NDRG4: variants seen among roughly 807,000 people sequenced by gnomAD.
The protein encoded by NDRG4 is NDRG family member 4, also known as protein NDRG4.
In NDRG4, 38 loss-of-function variants were observed where a neutral mutation model predicts 55.8. The ratio of observed to expected loss-of-function variants is 0.68; its 90% CI spans 0.53 to 0.89. The LOEUF (loss-of-function observed/expected upper bound fraction) is 0.89, where lower values mean the gene tolerates loss of function less well. NDRG4 is among the 40% of genes least tolerant of loss of function. The pLI, the probability that NDRG4 is intolerant of heterozygous loss-of-function variation, is 0.00. For synonymous variants in NDRG4, 190 were observed against 182.7 expected (o/e 1.04, Z -0.32); for missense variants, 455 against 468.6 (o/e 0.97, Z 0.27).
At chr16:58,503,688 G>T (rs973340075) in intron 1 of NDRG4, 110 bp from the exon 2 acceptor site, 4 of 1,554,098 alleles carry the variant, frequency 2.6e-6, no homozygotes, top group Non-Finnish European at 3.5e-6. Flanking sequence ...GATGCCCCAA[G>T]TAGGGGCTCT....
chr16:58,494,591 C>G (rs537987392), intron 2 of NDRG4, among the ~76,000 whole-genome samples: 1 of 152,168 alleles, frequency 6.6e-6, no homozygotes, highest in African/African-American at 2.4e-5. Context: ...TTAATGAGGA[C>G]GCTCACACGC....
At chr16:58,483,359 T>A (rs549555635) in intron 1 of NDRG4, among the ~76,000 whole-genome samples, 2 of 151,696 alleles carry the variant, frequency 1.3e-5, no homozygotes, top group East Asian at 3.9e-4. Context: ...AGTGCTCCTG[T>A]TTGCCTTTAA....
At position 58,508,990 on chromosome 16, in the gene NDRG4, C is replaced by A. The variant is rs765504411; in HGVS notation, c.758C>A (p.Thr253Asn). The A allele has an allele frequency of 1.1e-5, 17 of 1,614,102 alleles. No homozygotes were observed. In the South Asian group the frequency reaches 1.8e-4, roughly 17 times the overall value. The change falls in exon 11 of 15, where the codon ACC becomes AAC. Residue 253 changes from threonine (T) to asparagine (N), a missense_variant. Thr to Asn is a moderately conservative substitution (Grantham distance 65). Transcript: ENST00000570248. ...GAGTGCAACTCCAAACTGGACCCGA[C>A]CACTACGACCTTCCTGAAGGTGAGG... Reference protein sequence around the residue: ...VVECNSKLDPTTTTFLKMADS... With the variant: ...VVECNSKLDPNTTTFLKMADS...
intron 1 of NDRG4, among the ~76,000 whole-genome samples, chr16:58,485,384 C>T (rs888930266): frequency 6.6e-6 from 1 of 152,190 alleles, no homozygotes; most frequent in Non-Finnish European, 1.5e-5. Context: ...CCATCTGTCC[C>T]TGCACTGCCC....
Position 58,511,556 on chromosome 16 carries a change from A to C in NDRG4, c.1039A>C (p.Thr347Pro), listed in dbSNP as rs773931425. The change falls in exon 15 of 15, where the codon ACC (threonine) becomes CCC (proline). Residue 347 changes from threonine to proline, a missense_variant. Transcript: ENST00000570248. ...CGAGGGGCTGGGCCAGGTCAACCAC[A>C]CCATGGAGGTGTCCTGTTGAAGCCC... ...SSEGLGQVNHTMEVSC is the reference protein window; with the variant it reads ...SSEGLGQVNHPMEVSC 9 of 1,612,750 alleles carry C rather than the reference A, an allele frequency of 5.6e-6. No individual in the cohort carries two copies. The highest frequency in any genetic ancestry group is 7.6e-6 in the Non-Finnish European group (9 of 1,179,912).
Position 58,509,321 on chromosome 16 carries a change from C to T in NDRG4, c.834C>T (p.Ala278=). ...QVTQPGKLTE[A]FKYFLQGMGY... The stretch of plus-strand genomic sequence containing the variant: ...CGCAGCCAGGGAAGCTGACTGAAGC[C>T]TTCAAATACTTCCTGCAAGGCATGG... Residue 278 remains alanine (A), a synonymous_variant, in exon 13 of 15, where the codon GCC becomes GCT. Coordinates refer to ENST00000570248, the MANE Select transcript of NDRG4 (RefSeq NM_001242835.2). 1 of 1,614,060 alleles carries T rather than the reference C, an allele frequency of 6.2e-7. No individual in the cohort carries two copies. The highest frequency in any genetic ancestry group is 8.5e-7 in the Non-Finnish European group (1 of 1,179,992).
intron 1 of NDRG4, among the ~76,000 whole-genome samples, chr16:58,484,946 A>G (rs372985321): frequency 1.3e-5 from 2 of 150,496 alleles, no homozygotes; most frequent in Non-Finnish European, 1.5e-5. Flanking sequence ...CAGTGGCGCA[A>G]TCTCGGCTCA....
In NDRG4 at chr16:58,488,608, C is replaced by T. The variant is rs866341923; in HGVS notation, c.72+758C>T. On this transcript the variant is annotated intron_variant, in intron 2 of 15. Coordinates refer to the NDRG4 transcript ENST00000258187. ...CAGATGGGGAGGCCAGGAGCCCAGC[C>T]CCTCAAATCTGCAGGGCACTGTAGT... Among the ~76,000 whole-genome samples the T allele has an allele frequency of 3.3e-5, 5 of 152,098 alleles. No individual in the cohort carries two copies. In the South Asian group the frequency reaches 1.0e-3, roughly 31 times the overall value.
chr16:58,508,982 G>C lies in NDRG4; in HGVS notation c.750G>C (p.Leu250=). 9 of 1,614,026 alleles carry C rather than the reference G, an allele frequency of 5.6e-6. No individual in the cohort carries two copies. The highest frequency in any genetic ancestry group is 3.3e-4 in the Middle Eastern group (2 of 6,062). The change falls in exon 11 of 15, where the codon CTG becomes CTC. Residue 250 remains leucine, a synonymous_variant. Coordinates refer to ENST00000570248, the MANE Select transcript of NDRG4 (RefSeq NM_001242835.2). ...EDGVVECNSK[L]DPTTTTFLKM... ...CTCAGGTGGAGTGCAACTCCAAACT[G>C]GACCCGACCACTACGACCTTCCTGA...
Position 58,501,133 on chromosome 16 carries a change from C to G in NDRG4, c.21+864C>G, listed in dbSNP as rs939836442. ...AGAGGCAGGGGCAGACTCACCCCCA[C>G]CCCCGGGCCCCACACGCCTGCCCTG... On this transcript the variant is annotated intron_variant, in intron 1 of 14. Transcript: ENST00000570248. 22 of 1,146,762 alleles carry G rather than the reference C, an allele frequency of 1.9e-5. No homozygotes were observed. In the Admixed American group the frequency reaches 9.3e-4, roughly 49 times the overall value. 71.0% of individuals were successfully genotyped at this position (1,146,762 alleles called of 1,614,324 possible).
chr16:58,504,686 G>T, intron 5 of NDRG4, 37 bp downstream of exon 5: 2 of 1,612,462 alleles, frequency 1.2e-6, no homozygotes, highest in Non-Finnish European at 8.5e-7. Flanking sequence ...CCAAACACCA[G>T]GGCAAGCCAG....
At chr16:58,474,442 G>A (rs1483499235) in intron 1 of NDRG4, among the ~76,000 whole-genome samples, 2 of 152,006 alleles carry the variant, frequency 1.3e-5, no homozygotes, top group East Asian at 1.9e-4. Context: ...TGCCCTTCCC[G>A]GACATCCCAA....
chr16:58,486,360 A>G (rs1481076091), intron 1 of NDRG4, among the ~76,000 whole-genome samples: 1 of 151,346 alleles, frequency 6.6e-6, no homozygotes, highest in Admixed American at 6.6e-5. Flanking sequence ...GGGCCTTGCT[A>G]TGTTGTCCAG....
At chr16:58,506,158 C>CTGTGTGTGTGTGTGTG in intron 5 of NDRG4, 1 of 429,658 alleles carries the variant, frequency 2.3e-6, no homozygotes, top group Middle Eastern at 3.6e-4. Context: ...GTGTGTGTGT[C>CTGTGTGTGTGTGTGTG]TGTGTGTGTG....
intron 13 of NDRG4, 74 bp from the exon 14 acceptor site, chr16:58,510,571 C>A: frequency 2.3e-6 from 3 of 1,305,054 alleles, no homozygotes; most frequent in South Asian, 2.5e-5. Flanking sequence ...GCCCTTGACT[C>A]AGCGGACCAC....
At chr16:58,514,831 C>T (rs1004191053), downstream of NDRG4, among the ~76,000 whole-genome samples, 11 of 150,622 alleles carry the variant, frequency 7.3e-5, no homozygotes, top group Admixed American at 2.0e-4. Flanking sequence ...ATTCCTGTAA[C>T]CTCTATATTC....
chr16:58,478,549 C>G (rs369952658), intron 1 of NDRG4, among the ~76,000 whole-genome samples: 2 of 152,072 alleles, frequency 1.3e-5, no homozygotes, highest in Non-Finnish European at 2.9e-5. Context: ...AATATATGTA[C>G]GTTCTGTATA....
chr16:58,505,365 A>T (rs796690351), intron 5 of NDRG4, among the ~76,000 whole-genome samples: 3 of 142,674 alleles, frequency 2.1e-5, no homozygotes, highest in African/African-American at 6.1e-5. Context: ...ATAAAAAAAT[A>T]AAAAAAATCA....
intron 10 of NDRG4, 52 bp from the exon 11 acceptor site, chr16:58,508,910 T>C: frequency 1.3e-6 from 2 of 1,599,114 alleles, no homozygotes; most frequent in Non-Finnish European, 1.7e-6. Context: ...GCCTTGGCAA[T>C]GGGGGTGGGG....
Sources: gnomAD v4.1 joint callset for allele counts (sites outside exome capture counted in the v4.1 genomes callset) on GRCh38, gnomAD v4.1.1 for gene constraint, MANE v1.5 for transcripts, NCBI Gene and HGNC (gene_info 2026-07-23, HGNC 2026-07-21) for gene names.